The following ITFG1 variants were observed in gnomAD, a reference collection of about 807,000 sequenced individuals.
ITFG1 encodes integrin alpha FG-GAP repeat containing 1, also known as T-cell immunomodulatory protein.
A neutral mutation model predicts 81.8 loss-of-function variants in ITFG1; 34 were observed. That is an observed-to-expected ratio of 0.42 (90% CI 0.32 to 0.55). ITFG1 has a LOEUF of 0.55. Among genes scored for constraint, ITFG1 ranks in the 20% least tolerant of loss-of-function variants. The pLI, the probability that ITFG1 is intolerant of heterozygous loss-of-function variation, is 0.17. For missense variants in ITFG1, 672 were observed against 755.4 expected, an observed-to-expected ratio of 0.89 and a Z score of 1.29; for synonymous variants, 285 against 270.6, an observed-to-expected ratio of 1.05 and a Z score of -0.52.
intron 6 of ITFG1, among the ~76,000 whole-genome samples, chr16:47,386,468 T>C (rs1968463689): frequency 6.6e-6 from 1 of 152,166 alleles, no homozygotes; most frequent in South Asian, 2.1e-4. Context: ...TGCTATATGC[T>C]GTAGAGGCTA....
At chr16:47,440,563 G>A (rs1969233759) in intron 5 of ITFG1, among the ~76,000 whole-genome samples, 1 of 152,116 alleles carries the variant, frequency 6.6e-6, no homozygotes, top group Non-Finnish European at 1.5e-5. Context: ...CATAGAAAAT[G>A]AACAACCTGC....
At chr16:47,359,529 A>G (rs940540136) in intron 8 of ITFG1, among the ~76,000 whole-genome samples, 3 of 152,068 alleles carry the variant, frequency 2.0e-5, no homozygotes, top group Non-Finnish European at 4.4e-5. Flanking sequence ...ATTTCTATCC[A>G]TTTCCTGGTG....
At position 47,260,676 on chromosome 16, in the gene ITFG1, G is replaced by A. The variant is rs953197879; in HGVS notation, c.1090C>T (p.Leu364=). 2.5e-6 allele frequency: 4 copies of A among 1,614,168 alleles called. No individual in the cohort carries two copies. Among genetic ancestry groups the A allele is most frequent in the Non-Finnish European group, 3.4e-6 (4 of 1,180,032 alleles). Residue 364 remains leucine, a synonymous_variant, in exon 11 of 18, where the codon CTG becomes TTG. Coordinates refer to ENST00000320640, the MANE Select transcript of ITFG1 (RefSeq NM_030790.5). ...GCATTATTACAAGGGACGTTCTCCA[G>A]TAAAAAGGCCTGCTGGTTGCTGTGC... is the stretch of plus-strand genomic sequence containing the variant. ...TSGSNQQAFL[L]ENVPCNNASC... is the part of the protein sequence containing the mutation.
chr16:47,282,474 T>A (rs931297421), intron 10 of ITFG1, among the ~76,000 whole-genome samples: 5 of 152,064 alleles, frequency 3.3e-5, no homozygotes, highest in Admixed American at 6.6e-5. Context: ...ATATATATAT[T>A]TTTTTATCCA....
intron 10 of ITFG1, among the ~76,000 whole-genome samples, chr16:47,310,892 C>G (rs1171573299): frequency 6.6e-6 from 1 of 152,148 alleles, no homozygotes; most frequent in South Asian, 2.1e-4. Flanking sequence ...AGCCTAGAGT[C>G]AGTTCTTAAC....
At chr16:47,226,563 G>A (rs943747107) in intron 13 of ITFG1, among the ~76,000 whole-genome samples, 19 of 127,514 alleles carry the variant, frequency 1.5e-4, no homozygotes, top group African/African-American at 5.0e-4. Flanking sequence ...TGATGTTCCC[G>A]TTCCTGTGTC....
chr16:47,312,211 AG>A, intron 9 of ITFG1: 1 of 152,344 alleles, frequency 6.6e-6, no homozygotes, highest in Non-Finnish European at 1.5e-5. Context: ...TTAAAGTTAT[AG>A]TTGTGCCCAC....
Position 47,368,812 on chromosome 16 carries a change from TAAC to T in ITFG1, c.721-2946_721-2944del, listed in dbSNP as rs1320635703. Among the ~76,000 whole-genome samples the T allele has an allele frequency of 5.3e-5, 8 of 152,118 alleles. No homozygotes were observed. In the East Asian group the frequency reaches 1.5e-3, roughly 29 times the overall value. On this transcript the variant is annotated intron_variant, in intron 7 of 17. Transcript: ENST00000320640. ...TTATCTCTATCAAGAAATATTGAAG[TAAC>T]AGCCTTCCATGTCTTCTAAGATGCC...
In ITFG1 at chr16:47,197,172, A is replaced by G. The variant is rs193054256; in HGVS notation, c.1453+21696T>C. ...GGAGGAAATGTTACATTTGCAGACA[A>G]TCTCCAATTATGCAGCTAGGCTTTT... On this transcript the variant is annotated intron_variant, in intron 14 of 17. Coordinates refer to ENST00000320640, the MANE Select transcript of ITFG1 (RefSeq NM_030790.5). 3.2e-3 allele frequency among the ~76,000 whole-genome samples: 485 copies of G among 152,330 alleles called. 2 individuals carry two copies. The highest frequency in any genetic ancestry group is 5.5e-3 in the Non-Finnish European group (376 of 68,028).
At chr16:47,160,351 T>C (rs964816035) in intron 16 of ITFG1, among the ~76,000 whole-genome samples, 26 of 152,152 alleles carry the variant, frequency 1.7e-4, no homozygotes, top group Admixed American at 1.5e-3. Context: ...TTATTATACA[T>C]ACTCTTCTAC....
chr16:47,325,658 C>G (rs1027528483), intron 8 of ITFG1, among the ~76,000 whole-genome samples: 1 of 152,168 alleles, frequency 6.6e-6, no homozygotes, highest in African/African-American at 2.4e-5. Flanking sequence ...ACCGATCCCA[C>G]AGAAATACAA....
At chr16:47,370,997 C>T (rs963710714) in intron 7 of ITFG1, among the ~76,000 whole-genome samples, 7 of 152,212 alleles carry the variant, frequency 4.6e-5, no homozygotes, top group Admixed American at 3.9e-4. Context: ...AATTTTGGAT[C>T]CTTTGACTGC....
chr16:47,252,179 T>TA (rs1304032598), intron 12 of ITFG1, among the ~76,000 whole-genome samples: 1 of 152,182 alleles, frequency 6.6e-6, no homozygotes, highest in Non-Finnish European at 1.5e-5. Flanking sequence ...ATAAGGCTGG[T>TA]AAAATTTGTT....
chr16:47,250,682 T>A (rs1443004876), intron 12 of ITFG1, among the ~76,000 whole-genome samples: 1 of 152,230 alleles, frequency 6.6e-6, no homozygotes, highest in African/African-American at 2.4e-5. Context: ...CTTAATTCCC[T>A]AAATGTCACT....
At chr16:47,217,606 T>C (rs1348638935) in intron 14 of ITFG1, among the ~76,000 whole-genome samples, 1 of 152,244 alleles carries the variant, frequency 6.6e-6, no homozygotes, top group East Asian at 1.9e-4. Flanking sequence ...TATCTTGAAC[T>C]GCTGTGACTG....
chr16:47,276,979 G>A (rs564513794), intron 10 of ITFG1, among the ~76,000 whole-genome samples: 2 of 152,176 alleles, frequency 1.3e-5, no homozygotes, highest in South Asian at 2.1e-4. Context: ...AAATAAGATC[G>A]AGAAAAGCTG....
At chr16:47,398,302 A>G (rs764395963) in intron 6 of ITFG1, among the ~76,000 whole-genome samples, 1 of 152,248 alleles carries the variant, frequency 6.6e-6, no homozygotes, top group African/African-American at 2.4e-5. Context: ...ACAAAAAAAA[A>G]GGCCTGAATC....
chr16:47,260,633 C>A lies in ITFG1; in HGVS notation c.1133G>T (p.Arg378Leu), dbSNP rs118116323. Reference protein sequence around the residue: ...PCNNASCEEARRMFKVYWELT... With the variant: ...PCNNASCEEALRMFKVYWELT... ...CTCCCAGTAGACTTTAAACATTCGACGCGCCTCTTCACAGCTTGCATTATT... is the reference window on the plus strand; with the variant it reads ...CTCCCAGTAGACTTTAAACATTCGAAGCGCCTCTTCACAGCTTGCATTATT... The change falls in exon 11 of 18, where the codon CGT (arginine) becomes CTT (leucine). Residue 378 changes from arginine to leucine, a missense_variant. Transcript: ENST00000320640. 2,333 of 1,614,122 alleles carry A rather than the reference C, an allele frequency of 1.4e-3. 7 individuals carry two copies. The highest frequency in any genetic ancestry group is 1.9e-3 in the Non-Finnish European group (2,220 of 1,179,992).
chr16:47,446,051 TAAGA>T (rs1282003076), intron 5 of ITFG1, among the ~76,000 whole-genome samples: 2 of 151,842 alleles, frequency 1.3e-5, no homozygotes, highest in Non-Finnish European at 2.9e-5. Context: ...CTATCTGTTG[TAAGA>T]AAGAAAAAAA....
Sources: allele counts gnomAD v4.1 joint callset (sites outside exome capture counted in the v4.1 genomes callset), GRCh38; gene constraint gnomAD v4.1.1; transcripts MANE v1.5; gene names NCBI Gene and HGNC (gene_info 2026-07-23, HGNC 2026-07-21).